Variants in ZFTRAF1 observed in about 807,000 individuals in gnomAD.
The protein encoded by ZFTRAF1 is zinc finger TRAF-type and ring finger containing 1.
chr8:144,462,797 G>C, the ZFTRAF1 span: 1 of 151,526 alleles, frequency 6.6e-6, no homozygotes, highest in East Asian at 1.9e-4. Flanking sequence ...AGTGGGCCCG[G>C]CCCGCGCGTA....
At chr8:144,450,406 C>G in the ZFTRAF1 span, 1 of 717,280 alleles carries the variant, frequency 1.4e-6, no homozygotes, top group South Asian at 1.5e-5. Context: ...ACAGGAAGAG[C>G]CGCAGGTTGA....
the ZFTRAF1 span, among the ~76,000 whole-genome samples, chr8:144,461,523 G>C: frequency 7.2e-5 from 11 of 152,230 alleles, no homozygotes; most frequent in African/African-American, 2.7e-4. Context: ...AGATGGGGGA[G>C]GAGGGGTGGG....
chr8:144,453,224 G>A, the ZFTRAF1 span: 1 of 1,550,646 alleles, frequency 6.4e-7, no homozygotes, highest in East Asian at 2.4e-5. Flanking sequence ...TCAGTTACCT[G>A]TCCTGGCATT....
At chr8:144,461,510 TGAAGATGGGG>T in the ZFTRAF1 span, among the ~76,000 whole-genome samples, 485 of 151,946 alleles carry the variant, frequency 3.2e-3, 1 homozygote, top group African/African-American at 0.011. Flanking sequence ...CATGCGGATG[TGAAGATGGGG>T]GAGGAGGGGT....
At chr8:144,461,687 C>A in the ZFTRAF1 span, among the ~76,000 whole-genome samples, 1 of 152,186 alleles carries the variant, frequency 6.6e-6, no homozygotes, top group Non-Finnish European at 1.5e-5. Flanking sequence ...GCAAATGGTT[C>A]ATCCCGACAA....
the ZFTRAF1 span, chr8:144,450,822 T>C: frequency 1.5e-6 from 1 of 647,068 alleles, no homozygotes; most frequent in Non-Finnish European, 2.9e-6. Flanking sequence ...TGGGCAGGGC[T>C]GGGCAGCAAC....
the ZFTRAF1 span, among the ~76,000 whole-genome samples, chr8:144,458,135 G>A: frequency 3.3e-5 from 5 of 152,332 alleles, no homozygotes; most frequent in South Asian, 2.1e-4. Context: ...GGACTGGCAC[G>A]TTGTCCAAGG....
At chr8:144,462,647 C>G in the ZFTRAF1 span, 1 of 144,982 alleles carries the variant, frequency 6.9e-6, no homozygotes, top group Non-Finnish European at 1.5e-5. Flanking sequence ...CTCCTCGGCG[C>G]CGGACATAGC....
the ZFTRAF1 span, chr8:144,456,110 G>C: frequency 6.6e-6 from 1 of 152,378 alleles, no homozygotes; most frequent in Non-Finnish European, 1.5e-5. Flanking sequence ...ATTCAAGTCA[G>C]AACACAGGGA....
the ZFTRAF1 span, chr8:144,462,531 C>G: frequency 6.5e-6 from 1 of 153,764 alleles, no homozygotes; most frequent in South Asian, 1.7e-4. Context: ...CCCAGAGCCG[C>G]CGCCGCCGCC....
the ZFTRAF1 span, chr8:144,452,478 G>A: frequency 6.5e-7 from 1 of 1,547,974 alleles, no homozygotes; most frequent in Non-Finnish European, 8.7e-7. Context: ...GCCTGTCTTG[G>A]TCGGGTGGGC....
At chr8:144,452,677 A>G in the ZFTRAF1 span, 1 of 1,065,056 alleles carries the variant, frequency 9.4e-7, no homozygotes, top group Non-Finnish European at 1.3e-6. Context: ...TTCCTGCAGG[A>G]CACACGTAAC....
chr8:144,459,605 A>G, the ZFTRAF1 span, among the ~76,000 whole-genome samples: 17 of 152,308 alleles, frequency 1.1e-4, no homozygotes, highest in Admixed American at 5.9e-4. Context: ...GCACCACCCG[A>G]GGCTTCCCTG....
At chr8:144,453,302 C>T in the ZFTRAF1 span, 2 of 1,551,204 alleles carry the variant, frequency 1.3e-6, no homozygotes, top group African/African-American at 1.4e-5. Context: ...ACTCTGAAGG[C>T]AGCTCGCTCA....
chr8:144,460,351 C>T, the ZFTRAF1 span, among the ~76,000 whole-genome samples: 1 of 152,244 alleles, frequency 6.6e-6, no homozygotes, highest in Non-Finnish European at 1.5e-5. Context: ...CGGTTTGAAC[C>T]AGCTAGGCTC....
the ZFTRAF1 span, chr8:144,462,222 G>T: frequency 1.7e-5 from 8 of 470,850 alleles, no homozygotes; most frequent in Non-Finnish European, 2.6e-5. Flanking sequence ...GGATCCTGGG[G>T]CCCCGCGGCG....
chr8:144,453,279 A>G, the ZFTRAF1 span: 2 of 1,551,048 alleles, frequency 1.3e-6, no homozygotes, highest in Non-Finnish European at 1.7e-6. Context: ...AAACTGGCGC[A>G]GGCAGAAGCC....
the ZFTRAF1 span, chr8:144,452,602 G>A: frequency 2.0e-6 from 3 of 1,524,724 alleles, no homozygotes; most frequent in Middle Eastern, 1.7e-4. Context: ...CTCACAGACT[G>A]AGCCCCGAAC....
the ZFTRAF1 span, chr8:144,457,135 A>T: frequency 2.0e-5 from 3 of 151,180 alleles, no homozygotes; most frequent in African/African-American, 7.3e-5. Context: ...ATGTGGTGAC[A>T]GCACGGGAAT....
Sources: allele counts gnomAD v4.1 joint callset (sites outside exome capture counted in the v4.1 genomes callset), GRCh38; gene constraint gnomAD v4.1.1; transcripts MANE v1.5; gene names NCBI Gene and HGNC (gene_info 2026-07-23, HGNC 2026-07-21).